The following ECPAS variants were observed in gnomAD, a reference collection of about 807,000 sequenced individuals.
ECPAS encodes proteasome adapter and scaffold protein ECM29.
ECPAS carries 70 observed loss-of-function variants against 255.1 expected under a neutral mutation model. The ratio of observed to expected loss-of-function variants is 0.27; its 90% confidence interval spans 0.23 to 0.33. The LOEUF (loss-of-function observed/expected upper bound fraction) is 0.33, where lower values mean the gene tolerates loss of function less well. Among genes scored for constraint, ECPAS ranks in the 10% least tolerant of loss-of-function variants. The probability of loss-of-function intolerance (pLI) is 1.00; values close to 1 mark genes in which losing one functional copy is unlikely to be tolerated. For missense variants in ECPAS, 1,817 were observed against 2,206.4 expected, an observed-to-expected ratio of 0.82 and a Z score of 3.54; for synonymous variants, 784 against 775.0, an observed-to-expected ratio of 1.01 and a Z score of -0.19.
chr9:111,424,177 A>G (rs909460645), intron 12 of ECPAS, among the ~76,000 whole-genome samples: 16 of 152,244 alleles, frequency 1.1e-4, no homozygotes, highest in African/African-American at 3.9e-4. Flanking sequence ...GAAAGAAGCT[A>G]TGAGAACCAG....
At chr9:111,378,130 A>G (rs1278259252) in intron 36 of ECPAS, among the ~76,000 whole-genome samples, 2 of 152,010 alleles carry the variant, frequency 1.3e-5, no homozygotes, top group Admixed American at 6.5e-5. Context: ...TGGGTGACAG[A>G]GTGATGCTCC....
chr9:111,370,357 C>A (rs2098125840), intron 45 of ECPAS, 78 bp downstream of exon 45: 1 of 924,186 alleles, frequency 1.1e-6, no homozygotes, highest in East Asian at 2.7e-5. Context: ...TCCTAATAAT[C>A]AGGACATAGG....
chr9:111,396,126 C>T (rs938185554), intron 25 of ECPAS, among the ~76,000 whole-genome samples: 2 of 152,180 alleles, frequency 1.3e-5, no homozygotes, highest in Admixed American at 6.5e-5. Flanking sequence ...CATGAGAATA[C>T]TCTCTTTTAA....
chr9:111,422,389 A>T (rs1222816188), intron 13 of ECPAS, among the ~76,000 whole-genome samples, 189 bp from the exon 14 acceptor site: 2 of 152,204 alleles, frequency 1.3e-5, no homozygotes, highest in Non-Finnish European at 2.9e-5. Context: ...ATTAACACGC[A>T]CATCTTCCAA....
intron 34 of ECPAS, among the ~76,000 whole-genome samples, chr9:111,384,197 A>T (rs2098144223): frequency 6.6e-6 from 1 of 152,238 alleles, no homozygotes; most frequent in Non-Finnish European, 1.5e-5. Context: ...CCTCACAAAT[A>T]TGAAAGGTAG....
In ECPAS at chr9:111,361,865, T is replaced by C. The variant is rs1257927286; in HGVS notation, c.*165A>G. On this transcript the variant is annotated 3_prime_UTR_variant, in exon 50 of 50. Coordinates refer to ENST00000684092, the MANE Select transcript of ECPAS (RefSeq NM_001364929.1). ...GATACTTTAAAAACATAAAGTAAAA[T>C]AAAGCTAATAAGGAACAAAATTTAA... 3 of 760,398 alleles carry C rather than the reference T, an allele frequency of 3.9e-6. No individual in the cohort carries two copies. Among genetic ancestry groups the C allele is most frequent in the Non-Finnish European group, 6.0e-6 (3 of 500,740 alleles). The allele number at this position is 760,398 out of a possible 1,614,324, so 47.1% of individuals were successfully genotyped here.
intron 2 of ECPAS, among the ~76,000 whole-genome samples, chr9:111,465,519 T>G (rs7030836): frequency 0.084 from 12,740 of 151,836 alleles, 624 homozygotes; most frequent in East Asian, 0.21. Context: ...CAGCCTGGGC[T>G]ACAAGAGCAA....
intron 24 of ECPAS, among the ~76,000 whole-genome samples, chr9:111,398,560 G>A (rs893136261): frequency 3.9e-5 from 6 of 152,204 alleles, no homozygotes; most frequent in Admixed American, 3.3e-4. Context: ...ATAATAAAAA[G>A]TTACAAGAGG....
chr9:111,383,997 A>T (rs573849701), intron 34 of ECPAS, among the ~76,000 whole-genome samples: 5 of 140,794 alleles, frequency 3.6e-5, no homozygotes, highest in Admixed American at 2.2e-4. Flanking sequence ...ATCATCATCA[A>T]TAACGCTGGG....
chr9:111,366,652 C>A (rs2098120677), intron 46 of ECPAS, 25 bp from the exon 47 acceptor site: 2 of 1,462,876 alleles, frequency 1.4e-6, no homozygotes. Context: ...CAAGGTGGGA[C>A]AGAGCAGGAG....
In ECPAS at chr9:111,395,354, ATTG is replaced by A. The variant is rs527545217; in HGVS notation, c.2777-1052_2777-1050del. Among the ~76,000 whole-genome samples, 351 of 152,244 alleles carry A rather than the reference ATTG, an allele frequency of 2.3e-3. 1 individual carries two copies. The highest frequency in any genetic ancestry group is 7.8e-3 in the African/African-American group (325 of 41,540). ...TGCTGTTCATTCTACTCACAGCAAGATTGGTACACTGTAACCAACAATGACATC... is the reference window on the plus strand; with the variant it reads ...TGCTGTTCATTCTACTCACAGCAAGAGTACACTGTAACCAACAATGACATC... On this transcript the variant is annotated intron_variant, in intron 25 of 49. Coordinates refer to ENST00000684092, the MANE Select transcript of ECPAS (RefSeq NM_001364929.1).
chr9:111,373,348 T>C lies in ECPAS; in HGVS notation c.4236A>G (p.Lys1412=). 6.2e-7 allele frequency: 1 copy of C among 1,613,864 alleles called. No homozygotes were observed. Among genetic ancestry groups the C allele is most frequent in the Non-Finnish European group, 8.5e-7 (1 of 1,179,820 alleles). The change falls in exon 40 of 50, where the codon AAA becomes AAG. Residue 1412 remains lysine (K), a synonymous_variant. Transcript: ENST00000684092. The part of the protein sequence containing the change: ...GLTDRNSVIQ[K]SCAFAMGHLV... ...AATGGCCCATAGCAAATGCACAAGA[T>C]TTCTGAATCACACTGTTCCGATCTG...
rs1039578814 is a variant in ECPAS, at chr9:111,392,683, C to A, written c.3092+85G>T. On this transcript the variant is annotated intron_variant, in intron 28 of 49. Coordinates refer to ENST00000684092, the MANE Select transcript of ECPAS (RefSeq NM_001364929.1). ...CTTCATAAACCAAAACATGGAAAGC[C>A]GAATCTTCCTTCTCCAGCATCTTCT... 8.8e-6 allele frequency: 8 copies of A among 910,520 alleles called. No homozygotes were observed. The African/African-American group carries it at 1.3e-4, about 15-fold the overall frequency. 56.4% of individuals were successfully genotyped at this position (910,520 alleles called of 1,614,324 possible).
At chr9:111,388,166 A>G (rs755701320) in intron 31 of ECPAS, among the ~76,000 whole-genome samples, 7 of 151,998 alleles carry the variant, frequency 4.6e-5, no homozygotes, top group Non-Finnish European at 1.0e-4. Flanking sequence ...CCTTACTTAC[A>G]TGTAAGAAAA....
intron 17 of ECPAS, 109 bp downstream of exon 17, chr9:111,417,774 A>T: frequency 8.8e-7 from 1 of 1,130,080 alleles, no homozygotes; most frequent in Non-Finnish European, 1.2e-6. Flanking sequence ...GAAAAGAAAA[A>T]GAAATTTTAT....
At chr9:111,447,431 G>A (rs1041494060) in intron 3 of ECPAS, among the ~76,000 whole-genome samples, 12 of 152,004 alleles carry the variant, frequency 7.9e-5, no homozygotes, top group African/African-American at 2.2e-4. Context: ...AATTTTAAAT[G>A]GATTAATTAC....
At chr9:111,434,658 T>C (rs1334790603) in intron 7 of ECPAS, among the ~76,000 whole-genome samples, 2 of 149,876 alleles carry the variant, frequency 1.3e-5, no homozygotes, top group Non-Finnish European at 3.0e-5. Context: ...GGTGCAATCT[T>C]GGCTCACTGC....
chr9:111,437,922 T>C (rs2131881450), intron 6 of ECPAS, among the ~76,000 whole-genome samples: 1 of 152,306 alleles, frequency 6.6e-6, no homozygotes, highest in Admixed American at 6.5e-5. Flanking sequence ...ATAAATTCCA[T>C]TATCATATTG....
chr9:111,391,254 T>G (rs966073201), intron 29 of ECPAS, among the ~76,000 whole-genome samples: 4 of 150,188 alleles, frequency 2.7e-5, no homozygotes, highest in Non-Finnish European at 5.9e-5. Context: ...GAAATCTAAC[T>G]CAGAGTTTGT....
Sources: allele counts gnomAD v4.1 joint callset (sites outside exome capture counted in the v4.1 genomes callset), GRCh38; gene constraint gnomAD v4.1.1; transcripts MANE v1.5; gene names NCBI Gene and HGNC (gene_info 2026-07-23, HGNC 2026-07-21).